The following GLG1 variants were observed in gnomAD, a reference collection of about 807,000 sequenced individuals.
GLG1 encodes Golgi apparatus protein 1.
In GLG1, 38 loss-of-function variants were observed where a neutral mutation model predicts 160.5. That is an observed-to-expected ratio of 0.24 (90% CI 0.18 to 0.31). The LOEUF (loss-of-function observed/expected upper bound fraction) is 0.31, where lower values mean the gene tolerates loss of function less well. Among genes scored for constraint, GLG1 ranks in the 10% least tolerant of loss-of-function variants. The probability of loss-of-function intolerance (pLI) is 1.00; values close to 1 mark genes in which losing one functional copy is unlikely to be tolerated. For synonymous variants in GLG1, 644 were observed against 543.4 expected (o/e 1.19, Z -2.57); for missense variants, 1,373 against 1,505.2 (o/e 0.91, Z 1.45).
chr16:74,467,817 T>G lies in GLG1; in HGVS notation c.2468A>C (p.Tyr823Ser). 1.2e-6 allele frequency: 2 copies of G among 1,613,502 alleles called. No homozygotes were observed. Among genetic ancestry groups the G allele is most frequent in the Non-Finnish European group, 1.7e-6 (2 of 1,179,512 alleles). The change falls in exon 18 of 26, where the codon TAC becomes TCC. Residue 823 changes from tyrosine (Y) to serine (S), a missense_variant. Transcript: ENST00000422840. ...TTTGATGTCACTCTTGCAGGCTTCG[T>G]ATAGATCTGGCTCCAAGCGGATGTC... Reference protein sequence around the residue: ...TEDIRLEPDLYEACKSDIKNF... With the variant: ...TEDIRLEPDLSEACKSDIKNF...
intron 1 of GLG1, among the ~76,000 whole-genome samples, chr16:74,584,748 T>C (rs979419556): frequency 1.3e-5 from 2 of 151,918 alleles, no homozygotes; most frequent in Non-Finnish European, 2.9e-5. Flanking sequence ...AAACCCCATC[T>C]CTACTAAAAA....
chr16:74,516,119 C>G (rs1467401182), intron 2 of GLG1, among the ~76,000 whole-genome samples: 3 of 151,594 alleles, frequency 2.0e-5, no homozygotes, highest in Admixed American at 2.0e-4. Flanking sequence ...GACTTTAACA[C>G]CACACTGTCA....
Position 74,496,542 on chromosome 16 carries a change from T to C in GLG1, c.877A>G (p.Lys293Glu). 6.2e-7 allele frequency: 1 copy of C among 1,613,530 alleles called. No homozygotes were observed. Among genetic ancestry groups the C allele is most frequent in the Non-Finnish European group, 8.5e-7 (1 of 1,179,444 alleles). ...AGCTCAGCCACCCGGAGAATGGCTT[T>C]CTTGCAGAGTTCAGAAACTTGAATC... ...PKIQVSELCK[K>E]AILRVAELSS... The change falls in exon 5 of 26, where the codon AAA (lysine) becomes GAA (glutamate). Residue 293 changes from lysine (K) to glutamate (E), a missense_variant. Around this residue, in one of 4 missense-constraint regions of GLG1, gnomAD observed 174 missense variants for 229.9 expected, o/e 0.76. Coordinates refer to ENST00000422840, the MANE Select transcript of GLG1 (RefSeq NM_001145667.2).
chr16:74,596,311 C>T (rs1423993973), intron 1 of GLG1, among the ~76,000 whole-genome samples: 2 of 152,020 alleles, frequency 1.3e-5, no homozygotes, highest in Non-Finnish European at 2.9e-5. Context: ...GGTGGATCAC[C>T]TGAGGTCAGC....
At chr16:74,482,492 G>A (rs984547814) in intron 10 of GLG1, among the ~76,000 whole-genome samples, 9 of 152,030 alleles carry the variant, frequency 5.9e-5, no homozygotes, top group Non-Finnish European at 4.4e-5. Context: ...GCTGTAATAC[G>A]GATCCTTCTC....
Position 74,451,082 on chromosome 16 carries a change from G to A in GLG1, c.*2085C>T, listed in dbSNP as rs765947637. On this transcript the variant is annotated 3_prime_UTR_variant, in exon 26 of 26. Transcript: ENST00000422840. Reference sequence around the variant, plus strand: ...GCAAACCACACCAGGCACGTCCGTAGGCACCTCCATGTACATGACATTCCT... The same window carrying A: ...GCAAACCACACCAGGCACGTCCGTAAGCACCTCCATGTACATGACATTCCT... The A allele has an allele frequency of 1.3e-5, 2 of 152,332 alleles. No homozygotes were observed. The highest frequency in any genetic ancestry group is 2.9e-5 in the Non-Finnish European group (2 of 68,126). 9.4% of individuals were successfully genotyped at this position (152,332 alleles called of 1,614,324 possible).
chr16:74,492,825 A>G (rs1217718798), intron 7 of GLG1, 132 bp downstream of exon 7: 3 of 335,246 alleles, frequency 8.9e-6, no homozygotes, highest in African/African-American at 2.2e-5. Flanking sequence ...CGTCTCAAGA[A>G]AAAAAAAAAA....
intron 23 of GLG1, 31 bp downstream of exon 23, chr16:74,459,649 ATG>A (rs776023119): frequency 9.2e-7 from 1 of 1,086,844 alleles, no homozygotes; most frequent in Non-Finnish European, 1.4e-6. Flanking sequence ...AAAAAAAGAA[ATG>A]AAGTGAGGAA....
At chr16:74,501,959 CTGTGCTCA>C (rs1430425317) in intron 4 of GLG1, among the ~76,000 whole-genome samples, 3 of 152,138 alleles carry the variant, frequency 2.0e-5, no homozygotes, top group Non-Finnish European at 2.9e-5. Flanking sequence ...GGATCAGGCC[CTGTGCTCA>C]TATTAAGGAA....
chr16:74,459,610 T>A, intron 23 of GLG1, 72 bp downstream of exon 23: 4 of 779,772 alleles, frequency 5.1e-6, no homozygotes, highest in Admixed American at 2.6e-5. Flanking sequence ...GTAGGCAGAC[T>A]ACAGCATTAA....
intron 1 of GLG1, among the ~76,000 whole-genome samples, chr16:74,577,298 G>A (rs2019032215): frequency 6.6e-6 from 1 of 152,054 alleles, no homozygotes; most frequent in African/African-American, 2.4e-5. Context: ...ACGGCGGGTG[G>A]ATCACCCAAG....
intron 1 of GLG1, among the ~76,000 whole-genome samples, chr16:74,579,999 G>A (rs1957902702): frequency 6.6e-6 from 1 of 152,092 alleles, no homozygotes; most frequent in South Asian, 2.1e-4. Context: ...GGAGGCAGAG[G>A]TTGCAGTGAG....
In GLG1 at chr16:74,542,754, GAA is replaced by G. The variant is rs2017925539; in HGVS notation, c.439-10603_439-10602del. ...GGAAGGGAGGAAGGAAGGAAGGAAGGAAGGAAGGAAGGAAGGAAGGAAGGAAG... is the reference window on the plus strand; with the variant it reads ...GGAAGGGAGGAAGGAAGGAAGGAAGGGGAAGGAAGGAAGGAAGGAAGGAAG... On this transcript the variant is annotated intron_variant, in intron 1 of 25. Transcript: ENST00000422840. Among the ~76,000 whole-genome samples the G allele has an allele frequency of 2.1e-3, 77 of 36,308 alleles. 4 individuals carry two copies. The highest frequency in any genetic ancestry group is 3.3e-3 in the Non-Finnish European group (53 of 16,156). 23.8% of individuals were successfully genotyped at this position (36,308 alleles called of 152,430 possible).
intron 1 of GLG1, among the ~76,000 whole-genome samples, chr16:74,543,033 C>A (rs1397231868): frequency 1.3e-5 from 2 of 152,106 alleles, no homozygotes; most frequent in Non-Finnish European, 2.9e-5. Context: ...AGTACCTGCA[C>A]ATGCCACAAC....
intron 15 of GLG1, among the ~76,000 whole-genome samples, chr16:74,470,646 C>G (rs2015172802): frequency 6.6e-6 from 1 of 151,890 alleles, no homozygotes. Context: ...CAGGGTTTCA[C>G]CATGTTAGCC....
intron 1 of GLG1, among the ~76,000 whole-genome samples, chr16:74,557,187 T>A (rs1465977279): frequency 6.6e-6 from 1 of 152,264 alleles, no homozygotes; most frequent in Non-Finnish European, 1.5e-5. Context: ...GGACCTTTGA[T>A]AAAACAGCTT....
chr16:74,606,741 G>A lies in GLG1; in HGVS notation c.354C>T (p.Cys118=). 2 of 1,613,336 alleles carry A rather than the reference G, an allele frequency of 1.2e-6. No individual in the cohort carries two copies. The highest frequency in any genetic ancestry group is 1.7e-6 in the Non-Finnish European group (2 of 1,179,536). The part of the protein sequence containing the change: ...GGWKLAEEES[C]REDVTRVCPK... ...GGCACACGCGGGTCACGTCCTCCCT[G>A]CAGGACTCTTCCTCCGCCAGCTTCC... The change falls in exon 1 of 26, where the codon TGC becomes TGT. Residue 118 remains cysteine (C), a synonymous_variant. Transcript: ENST00000422840.
chr16:74,597,047 A>G (rs902367646), intron 1 of GLG1, among the ~76,000 whole-genome samples: 2 of 151,996 alleles, frequency 1.3e-5, no homozygotes, highest in Non-Finnish European at 2.9e-5. Context: ...CGTGCTCGGG[A>G]GGCAGAGGCT....
chr16:74,600,011 G>T (rs914797874), intron 1 of GLG1, among the ~76,000 whole-genome samples: 1 of 151,312 alleles, frequency 6.6e-6, no homozygotes, highest in East Asian at 2.0e-4. Flanking sequence ...TCCAGCCTGG[G>T]TGACAGTGCG....
Sources: gnomAD v4.1 joint callset for allele counts (sites outside exome capture counted in the v4.1 genomes callset) on GRCh38, gnomAD v4.1.1 for gene constraint, gnomAD v4.1.1 regional missense constraint, MANE v1.5 for transcripts, NCBI Gene and HGNC (gene_info 2026-07-23, HGNC 2026-07-21) for gene names.